The following THSD7B variants were observed in gnomAD, a reference collection of about 807,000 sequenced individuals.
THSD7B encodes thrombospondin type 1 domain containing 7B.
THSD7B carries 138 observed loss-of-function variants against 213.6 expected under a neutral mutation model. The observed-to-expected ratio is 0.65, with a 90% CI of 0.56 to 0.74. The LOEUF (loss-of-function observed/expected upper bound fraction) is 0.74. THSD7B is among the 30% of genes least tolerant of loss of function. The pLI, the probability that THSD7B is intolerant of heterozygous loss-of-function variation, is 0.00. For synonymous variants in THSD7B, 742 were observed against 687.0 expected (o/e 1.08, Z -1.25); for missense variants, 1,931 against 1,991.5 (o/e 0.97, Z 0.58).
At chr2:137,259,342 C>A (rs1682385986) in intron 10 of THSD7B, among the ~76,000 whole-genome samples, 1 of 152,164 alleles carries the variant, frequency 6.6e-6, no homozygotes, top group African/African-American at 2.4e-5. Context: ...GCCTAGCCAG[C>A]ATCTATTGTT....
At chr2:136,873,985 G>A (rs1380846014) in intron 1 of THSD7B, among the ~76,000 whole-genome samples, 1 of 152,152 alleles carries the variant, frequency 6.6e-6, no homozygotes, top group South Asian at 2.1e-4. Context: ...AACACCCTTA[G>A]GGATCAATCT....
intron 16 of THSD7B, among the ~76,000 whole-genome samples, chr2:137,564,617 G>A (rs1195120738): frequency 6.6e-6 from 1 of 152,104 alleles, no homozygotes. Context: ...ATGAGCTGTG[G>A]CATCTCCTAC....
chr2:137,292,831 G>A (rs374471799), intron 12 of THSD7B, among the ~76,000 whole-genome samples: 2 of 152,066 alleles, frequency 1.3e-5, no homozygotes, highest in African/African-American at 2.4e-5. Context: ...CCTGCTCTGC[G>A]TTGGCCATTC....
chr2:137,633,378 T>C (rs1483039437), intron 20 of THSD7B, among the ~76,000 whole-genome samples: 5 of 152,172 alleles, frequency 3.3e-5, no homozygotes, highest in African/African-American at 7.2e-5. Context: ...ACAGTCACCT[T>C]AATTCCTTTT....
intron 17 of THSD7B, among the ~76,000 whole-genome samples, chr2:137,614,731 A>C (rs1682351266): frequency 6.6e-6 from 1 of 152,170 alleles, no homozygotes; most frequent in Admixed American, 6.6e-5. Context: ...TAAAATTATA[A>C]GTACTGACAG....
intron 5 of THSD7B, among the ~76,000 whole-genome samples, chr2:137,132,243 T>C (rs1258199116): frequency 3.3e-5 from 5 of 151,474 alleles, no homozygotes; most frequent in South Asian, 2.1e-4. Flanking sequence ...TTCCTGAGAC[T>C]TTGCTGAAGT....
At chr2:136,886,628 A>G (rs1177793358) in intron 2 of THSD7B, among the ~76,000 whole-genome samples, 5 of 152,192 alleles carry the variant, frequency 3.3e-5, no homozygotes, top group Non-Finnish European at 5.9e-5. Context: ...GTCTTCTACA[A>G]TAAAGAATTA....
chr2:136,852,129 C>T (rs1004964009), intron 1 of THSD7B, among the ~76,000 whole-genome samples: 1 of 151,968 alleles, frequency 6.6e-6, no homozygotes, highest in Non-Finnish European at 1.5e-5. Context: ...AGGCAGAGAA[C>T]TTTCTCTGGC....
Position 137,664,315 on chromosome 2 carries a change from A to C in THSD7B, c.4651+740A>C, listed in dbSNP as rs74334738. ...TCAAGAAATACTAGTGAAAAGGTAAAGAGTATCAGTTTCAAAGTTAGACCT... is the reference window on the plus strand; with the variant it reads ...TCAAGAAATACTAGTGAAAAGGTAACGAGTATCAGTTTCAAAGTTAGACCT... On this transcript the variant is annotated intron_variant, in intron 26 of 27. Transcript: ENST00000409968. Among the ~76,000 whole-genome samples the C allele has an allele frequency of 6.3e-3, 960 of 152,334 alleles. 10 individuals carry two copies. The highest frequency in any genetic ancestry group is 0.022 in the African/African-American group (918 of 41,572).
At chr2:137,051,005 A>G (rs1687062677) in intron 2 of THSD7B, among the ~76,000 whole-genome samples, 1 of 152,162 alleles carries the variant, frequency 6.6e-6, no homozygotes, top group Non-Finnish European at 1.5e-5. Flanking sequence ...AATGATCATG[A>G]TTGATTTAGA....
At chr2:137,656,674 A>C in intron 22 of THSD7B, 122 bp from the exon 23 acceptor site, 1 of 822,856 alleles carries the variant, frequency 1.2e-6, no homozygotes, top group Non-Finnish European at 1.8e-6. Context: ...TCAATATAGA[A>C]TGTGTAGTAT....
chr2:137,357,378 G>T (rs1028788018), intron 12 of THSD7B, among the ~76,000 whole-genome samples: 1 of 151,864 alleles, frequency 6.6e-6, no homozygotes, highest in Non-Finnish European at 1.5e-5. Flanking sequence ...TTTTTAATTT[G>T]GGGAAAAATA....
chr2:137,671,752 T>G (rs558545141), intron 27 of THSD7B, among the ~76,000 whole-genome samples: 2 of 152,298 alleles, frequency 1.3e-5, no homozygotes, highest in African/African-American at 4.8e-5. Flanking sequence ...GAGATTTAGG[T>G]GGAGAAACAA....
chr2:137,058,497 A>G lies in THSD7B; in HGVS notation c.950+1267A>G, dbSNP rs536321809. On this transcript the variant is annotated intron_variant, in intron 3 of 27. Coordinates refer to ENST00000409968, the MANE Select transcript of THSD7B (RefSeq NM_001316349.2). ...TTCAGATCAATTTTTAAATTTTCAG[A>G]AAAAATGAGTGAAAGTACTGAGTTC... 1.5e-4 allele frequency among the ~76,000 whole-genome samples: 23 copies of G among 152,262 alleles called. No individual in the cohort carries two copies. The East Asian group carries it at 4.1e-3, about 27-fold the overall frequency.
At chr2:136,859,779 G>A (rs1683231342) in intron 1 of THSD7B, among the ~76,000 whole-genome samples, 1 of 152,156 alleles carries the variant, frequency 6.6e-6, no homozygotes, top group South Asian at 2.1e-4. Flanking sequence ...AAGTAGTATA[G>A]CCCCAAAAGA....
Position 137,437,206 on chromosome 2 carries a change from C to G in THSD7B, c.2960-13639C>G, listed in dbSNP as rs72979643. On this transcript the variant is annotated intron_variant, in intron 14 of 27. Coordinates refer to ENST00000409968, the MANE Select transcript of THSD7B (RefSeq NM_001316349.2). ...ACTTTCCTGGATCAGAGCTATACTT[C>G]AAATGTACACAGCCATAGCCTTGGC... 3.8e-3 allele frequency among the ~76,000 whole-genome samples: 581 copies of G among 152,246 alleles called. 2 individuals carry two copies. Among genetic ancestry groups the G allele is most frequent in the African/African-American group, 0.013 (560 of 41,546 alleles).
chr2:137,244,821 A>G (rs1003833197), intron 10 of THSD7B, among the ~76,000 whole-genome samples: 4 of 152,154 alleles, frequency 2.6e-5, no homozygotes, highest in African/African-American at 9.7e-5. Context: ...TGGGACTAAG[A>G]TATTATTAAG....
At chr2:136,875,662 T>C (rs1683515981) in intron 1 of THSD7B, among the ~76,000 whole-genome samples, 3 of 152,290 alleles carry the variant, frequency 2.0e-5, no homozygotes, top group East Asian at 3.9e-4. Context: ...CAAGCCACTC[T>C]ATCCGGATCT....
At chr2:137,452,627 C>A (rs1348972535) in intron 15 of THSD7B, among the ~76,000 whole-genome samples, 1 of 152,102 alleles carries the variant, frequency 6.6e-6, no homozygotes, top group Non-Finnish European at 1.5e-5. Flanking sequence ...GTTAAACACT[C>A]ATTTTAATAT....
Sources: allele counts gnomAD v4.1 joint callset (sites outside exome capture counted in the v4.1 genomes callset), GRCh38; gene constraint gnomAD v4.1.1; transcripts MANE v1.5; gene names NCBI Gene and HGNC (gene_info 2026-07-23, HGNC 2026-07-21).